The following SPIN3 variants were observed in gnomAD, a reference collection of about 807,000 sequenced individuals.
The protein encoded by SPIN3 is spindlin family member 3.
For synonymous variants in SPIN3, 74 were observed against 74.3 expected, an observed-to-expected ratio of 1.00 and a Z score of 0.02; for missense variants, 176 against 196.4, an observed-to-expected ratio of 0.90 and a Z score of 0.62.
At chrX:56,982,658 A>G (rs1924144005) in intron 3 of SPIN3, 1 of 111,518 alleles carries the variant, frequency 9.0e-6, no homozygotes, top group Non-Finnish European at 1.9e-5. Context: ...GAGGAATTCA[A>G]CCACACAGCT....
chrX:56,976,714 C>G (rs939679958), exon 6 of SPIN3: 9 of 111,446 alleles, frequency 8.1e-5, no homozygotes, highest in African/African-American at 2.9e-4. Context: ...AATTTATGCT[C>G]TAAAGGGAAA....
At chrX:56,990,621 C>T (rs778092913), downstream of SPIN3, among the ~76,000 whole-genome samples, 4 of 111,796 alleles carry the variant, frequency 3.6e-5, no homozygotes, top group Admixed American at 9.5e-5. Flanking sequence ...AATATACTGG[C>T]CTCTCTTGAG....
chrX:56,979,500 C>A (rs989840683), intron 3 of SPIN3: 1 of 112,135 alleles, frequency 8.9e-6, no homozygotes, highest in East Asian at 2.8e-4. Flanking sequence ...AACCAGTATT[C>A]CAAGTGAGAT....
At chrX:56,983,126 G>C (rs1199867769) in intron 3 of SPIN3, among the ~76,000 whole-genome samples, 1 of 112,042 alleles carries the variant, frequency 8.9e-6, no homozygotes, top group Non-Finnish European at 1.9e-5. Flanking sequence ...ATTACAAACT[G>C]CATTTCCATT....
chrX:56,988,726 C>T (rs1924272196), downstream of SPIN3, among the ~76,000 whole-genome samples: 1 of 111,360 alleles, frequency 9.0e-6, no homozygotes, highest in South Asian at 3.8e-4. Flanking sequence ...GGACCCCACC[C>T]TAGACTTGCT....
chrX:56,979,258 G>A (rs1256816182), intron 3 of SPIN3: 1 of 110,556 alleles, frequency 9.0e-6, no homozygotes, highest in African/African-American at 3.3e-5. Context: ...AGAGGTCTGA[G>A]TCTGCATTGG....
At chrX:56,982,624 G>A (rs1362925493) in intron 3 of SPIN3, 1 of 111,202 alleles carries the variant, frequency 9.0e-6, no homozygotes, top group African/African-American at 3.3e-5. Context: ...CCTTGTCTGT[G>A]CTGGGCAATG....
chrX:56,994,834 C>T lies in SPIN3; in HGVS notation c.114G>A (p.Arg38=). ...CCCGAGGCTGGGAGGTGGGTCGGCT[C>T]CTATGCTTCTTGTGTGCAGCCTTCC... ...IKRKAAHKKH[R]SRPTSQPRGN... The change falls in exon 2 of 2, where the codon AGG becomes AGA. Residue 38 remains arginine (R), a synonymous_variant. Transcript: ENST00000374919. 1 of 1,211,688 alleles carries T rather than the reference C, an allele frequency of 8.3e-7. No individual in the cohort carries two copies. Among genetic ancestry groups the T allele is most frequent in the Non-Finnish European group, 1.1e-6 (1 of 895,530 alleles).
At position 56,984,487 on chromosome X, in the gene SPIN3, C is replaced by CA. The variant is rs749793175; in HGVS notation, c.226-10dup. On this transcript the variant is annotated splice_polypyrimidine_tract_variant and intron_variant and NMD_transcript_variant, in intron 2 of 5. Coordinates refer to the SPIN3 transcript ENST00000475785. ...AGGTTTATTCAAAGGAGCTGAAAAG[C>CA]AAAAAAAAAAAGTACAGTGGAGGAG... The CA allele has an allele frequency of 8.8e-3, 1,817 of 206,638 alleles. 1 individual carries two copies. The highest frequency in any genetic ancestry group is 0.016 in the African/African-American group (356 of 21,691). 17.0% of individuals were successfully genotyped at this position (206,638 alleles called of 1,213,427 possible). A position where few individuals can be genotyped will look rare whatever the true frequency, so the allele number is the denominator to read the frequency against.
intron 3 of SPIN3, chrX:56,979,264 A>T (rs1234107772): frequency 9.1e-6 from 1 of 110,251 alleles, no homozygotes; most frequent in Non-Finnish European, 1.9e-5. Flanking sequence ...CTGAGTCTGC[A>T]TTGGTTACCA....
intron 2 of SPIN3, among the ~76,000 whole-genome samples, chrX:56,985,394 T>G (rs1248295685): frequency 8.9e-6 from 1 of 112,378 alleles, no homozygotes; most frequent in Non-Finnish European, 1.9e-5. Flanking sequence ...CTTTGTCCAA[T>G]GCAACACCCC....
intron 2 of SPIN3, among the ~76,000 whole-genome samples, chrX:56,985,329 T>C (rs1271395361): frequency 8.9e-6 from 1 of 112,334 alleles, no homozygotes; most frequent in African/African-American, 3.2e-5. Flanking sequence ...GATGGACTTA[T>C]TATGCTGCTT....
chrX:56,986,705 C>T (rs1439130707), downstream of SPIN3, among the ~76,000 whole-genome samples: 1 of 112,628 alleles, frequency 8.9e-6, no homozygotes, highest in African/African-American at 3.2e-5. Flanking sequence ...ACATTCATTA[C>T]ATTACATGTG....
At chrX:56,988,105 A>G (rs1319838246), downstream of SPIN3, among the ~76,000 whole-genome samples, 1 of 111,916 alleles carries the variant, frequency 8.9e-6, no homozygotes, top group Non-Finnish European at 1.9e-5. Context: ...ATTAATGTCC[A>G]ATCAGCTGAC....
At chrX:56,981,855 C>A (rs1227348031) in intron 3 of SPIN3, 2 of 111,258 alleles carry the variant, frequency 1.8e-5, no homozygotes, top group African/African-American at 6.5e-5. Flanking sequence ...GGTGCCATAC[C>A]CCACCCTCAA....
In SPIN3 at chrX:56,991,914, G is replaced by T. The variant is rs1319460239; in HGVS notation, c.*2257C>A. ...CAACAATTATACAATGACTCCCAAA[G>T]ATAGCATTAAAATACTCCAAATAAT... On this transcript the variant is annotated 3_prime_UTR_variant, in exon 2 of 2. Transcript: ENST00000374919. The T allele has an allele frequency of 3.6e-6, 1 of 279,879 alleles. No homozygotes were observed. Among genetic ancestry groups the T allele is most frequent in the African/African-American group, 2.8e-5 (1 of 36,006 alleles). The allele number at this position is 279,879 out of a possible 1,213,427, so 23.1% of individuals were successfully genotyped here.
rs1464133518 is a variant in SPIN3 at position 56,994,084 on chromosome X, A to G, written c.*87T>C. 3 of 977,602 alleles carry G rather than the reference A, an allele frequency of 3.1e-6. No homozygotes were observed. In the African/African-American group the frequency reaches 5.9e-5, roughly 19 times the overall value. The allele number at this position is 977,602 out of a possible 1,213,427, so 80.6% of individuals were successfully genotyped here. Reference sequence around the variant, plus strand: ...AGCAAAACGTGCAAAAAGGGAGAAGATGGTTCTTACAAACTGGAAAGCAAT... The same window carrying G: ...AGCAAAACGTGCAAAAAGGGAGAAGGTGGTTCTTACAAACTGGAAAGCAAT... On this transcript the variant is annotated 3_prime_UTR_variant, in exon 2 of 2. Coordinates refer to ENST00000374919, the MANE Select transcript of SPIN3 (RefSeq NM_001010862.3).
chrX:56,981,631 C>CCTAT (rs754921829), intron 3 of SPIN3: 2 of 111,970 alleles, frequency 1.8e-5, no homozygotes, highest in African/African-American at 6.5e-5. Context: ...TCTTATAATT[C>CCTAT]CTATCATGGC....
intron 3 of SPIN3, among the ~76,000 whole-genome samples, chrX:56,981,240 T>C (rs776067234): frequency 9.2e-6 from 1 of 109,105 alleles, no homozygotes; most frequent in African/African-American, 3.3e-5. Flanking sequence ...GGCTGGCGCC[T>C]GTAGTCACAG....
Sources: allele counts gnomAD v4.1 joint callset (sites outside exome capture counted in the v4.1 genomes callset), GRCh38; gene constraint gnomAD v4.1.1; transcripts MANE v1.5; gene names NCBI Gene and HGNC (gene_info 2026-07-23, HGNC 2026-07-21).